Variants in SPECC1 observed in about 807,000 individuals in gnomAD.
SPECC1 encodes the protein sperm antigen with calponin homology and coiled-coil domains 1, also known as cytospin-B.
Under a neutral mutation model 104.1 loss-of-function variants are expected in SPECC1, and 62 were observed. The observed-to-expected ratio is 0.60, with a 90% CI of 0.49 to 0.74. The LOEUF (loss-of-function observed/expected upper bound fraction) is 0.74. Among genes scored for constraint, SPECC1 ranks in the 30% least tolerant of loss-of-function variants. The pLI, the probability that SPECC1 is intolerant of heterozygous loss-of-function variation, is 0.00. For synonymous variants in SPECC1, 513 were observed against 501.6 expected, an observed-to-expected ratio of 1.02 and a Z score of -0.30; for missense variants, 1,306 against 1,310.5, an observed-to-expected ratio of 1.00 and a Z score of 0.05.
At chr17:20,209,798 T>C (rs1279396862) in intron 4 of SPECC1, among the ~76,000 whole-genome samples, 1 of 152,260 alleles carries the variant, frequency 6.6e-6, no homozygotes, top group Non-Finnish European at 1.5e-5. Flanking sequence ...ATGACCCAGC[T>C]TTAATTTACT....
chr17:20,114,583 C>T (rs1183521593), intron 3 of SPECC1, among the ~76,000 whole-genome samples: 1 of 151,810 alleles, frequency 6.6e-6, no homozygotes, highest in Non-Finnish European at 1.5e-5. Flanking sequence ...CCTGTATCTC[C>T]CTACCAATGA....
rs2038640303 is a variant in SPECC1 at position 20,232,314 on chromosome 17, C to T, written c.2260C>T (p.Leu754=). Residue 754 remains leucine, a synonymous_variant, in exon 7 of 15, where the codon CTG becomes TTG. Coordinates refer to ENST00000395527, the MANE Select transcript of SPECC1 (RefSeq NM_001243439.2). ...QELRTVKRKL[L]EEEEKNARLQ... ...GCTGCGCACCGTGAAGAGGAAACTG[C>T]TGGAGGAGGAGGAGAAGAATGCCCG... 2 of 1,614,010 alleles carry T rather than the reference C, an allele frequency of 1.2e-6. No individual in the cohort carries two copies. The highest frequency in any genetic ancestry group is 1.7e-6 in the Non-Finnish European group (2 of 1,180,024).
intron 1 of SPECC1, among the ~76,000 whole-genome samples, chr17:20,047,213 G>A (rs1253455513): frequency 1.3e-5 from 2 of 152,170 alleles, no homozygotes; most frequent in African/African-American, 4.8e-5. Flanking sequence ...GGCTTTTGCA[G>A]CCTTTAAATA....
At chr17:20,086,533 G>A (rs753122281) in intron 1 of SPECC1, among the ~76,000 whole-genome samples, 1 of 152,274 alleles carries the variant, frequency 6.6e-6, no homozygotes, top group African/African-American at 2.4e-5. Context: ...TCTCTTGTTG[G>A]GTCCCATACA....
intron 3 of SPECC1, chr17:20,155,891 A>AT: frequency 8.6e-7 from 1 of 1,157,134 alleles, no homozygotes; most frequent in East Asian, 3.7e-5. Context: ...GGCGGACAGT[A>AT]TGCAGATGAC....
At chr17:20,257,219 A>G (rs1304502655) in intron 10 of SPECC1, among the ~76,000 whole-genome samples, 1 of 152,222 alleles carries the variant, frequency 6.6e-6, no homozygotes, top group Non-Finnish European at 1.5e-5. Flanking sequence ...CATCATCTTG[A>G]AATTCACAGT....
intron 3 of SPECC1, among the ~76,000 whole-genome samples, chr17:20,147,816 G>A (rs1467237392): frequency 1.3e-5 from 2 of 152,178 alleles, no homozygotes; most frequent in Non-Finnish European, 2.9e-5. Flanking sequence ...AGGGAAAATT[G>A]CTGGAGGCCT....
At chr17:20,247,408 G>A (rs2039465589) in intron 9 of SPECC1, 89 bp downstream of exon 9, 1 of 829,742 alleles carries the variant, frequency 1.2e-6, no homozygotes, top group Admixed American at 2.2e-5. Context: ...GTCCGTGTGT[G>A]TATGTGTGTG....
chr17:20,047,837 T>C (rs988967510), intron 1 of SPECC1, among the ~76,000 whole-genome samples: 1 of 152,026 alleles, frequency 6.6e-6, no homozygotes, highest in African/African-American at 2.4e-5. Context: ...GACCCTGTGG[T>C]CCCCCCGCCT....
At chr17:20,061,888 TA>T (rs1198061141) in intron 1 of SPECC1, among the ~76,000 whole-genome samples, 1 of 152,218 alleles carries the variant, frequency 6.6e-6, no homozygotes, top group Non-Finnish European at 1.5e-5. Flanking sequence ...TACACTTTGC[TA>T]CTTACTTTTC....
In SPECC1 at chr17:20,208,663, G is replaced by A. The variant is rs1319033383; in HGVS notation, c.1863+2751G>A. Among the ~76,000 whole-genome samples, 2 of 152,240 alleles carry A rather than the reference G, an allele frequency of 1.3e-5. 1 individual carries two copies. Among genetic ancestry groups the A allele is most frequent in the Non-Finnish European group, 2.9e-5 (2 of 68,042 alleles). On this transcript the variant is annotated intron_variant, in intron 4 of 14. Transcript: ENST00000395527. ...TTACATTGTGCAATGTCGAATAGAA[G>A]CGTGACGGTGGATGGATCCTGGTCT...
At chr17:20,251,691 A>G (rs1431678717) in intron 9 of SPECC1, among the ~76,000 whole-genome samples, 1 of 152,084 alleles carries the variant, frequency 6.6e-6, no homozygotes, top group African/African-American at 2.4e-5. Flanking sequence ...ATCAACATGA[A>G]TATCAATAGA....
Position 20,318,509 on chromosome 17 carries a change from C to T in SPECC1, c.*4444C>T, listed in dbSNP as rs2042067223. 4.3e-6 allele frequency: 1 copy of T among 231,380 alleles called. No individual in the cohort carries two copies. Among genetic ancestry groups the T allele is most frequent in the Non-Finnish European group, 8.5e-6 (1 of 117,022 alleles). 14.3% of individuals were successfully genotyped at this position (231,380 alleles called of 1,614,324 possible). ...GAGGAATCTCTGCCATGTTCTCTTC[C>T]CTGCTGCCCACAAACGTTACGGAGA... On this transcript the variant is annotated 3_prime_UTR_variant, in exon 15 of 15. Transcript: ENST00000395527.
intron 12 of SPECC1, among the ~76,000 whole-genome samples, chr17:20,294,168 G>T (rs553069105): frequency 1.3e-5 from 2 of 152,290 alleles, no homozygotes; most frequent in Admixed American, 1.3e-4. Context: ...TTTTAGTAGA[G>T]ACGGGGTTTA....
intron 12 of SPECC1, among the ~76,000 whole-genome samples, chr17:20,283,607 G>C (rs1272049690): frequency 6.6e-6 from 1 of 151,930 alleles, no homozygotes; most frequent in Non-Finnish European, 1.5e-5. Flanking sequence ...TTTTCTTTGA[G>C]ACAGAGTCTT....
At chr17:20,259,687 A>AT (rs995482666) in intron 11 of SPECC1, among the ~76,000 whole-genome samples, 2 of 151,000 alleles carry the variant, frequency 1.3e-5, no homozygotes, top group Non-Finnish European at 3.0e-5. Flanking sequence ...TTTATTTTTT[A>AT]TTTTTTTAAA....
chr17:20,026,125 A>C (rs1033855069), intron 1 of SPECC1, among the ~76,000 whole-genome samples: 1 of 151,132 alleles, frequency 6.6e-6, no homozygotes, highest in African/African-American at 2.4e-5. Flanking sequence ...TATTTATCAG[A>C]TATATATAAT....
At chr17:20,184,979 T>C (rs1055433781) in intron 3 of SPECC1, 2 of 152,250 alleles carry the variant, frequency 1.3e-5, no homozygotes, top group African/African-American at 4.8e-5. Context: ...GAGTTTTGTA[T>C]TTAACAGCGA....
chr17:20,289,178 TATTC>T (rs540840914), intron 12 of SPECC1, among the ~76,000 whole-genome samples: 78 of 152,312 alleles, frequency 5.1e-4, no homozygotes, highest in African/African-American at 1.8e-3. Context: ...TTGTGAGACT[TATTC>T]ACTATCACGA....
Sources: allele counts gnomAD v4.1 joint callset (sites outside exome capture counted in the v4.1 genomes callset), GRCh38; gene constraint gnomAD v4.1.1; transcripts MANE v1.5; gene names NCBI Gene and HGNC (gene_info 2026-07-23, HGNC 2026-07-21).